The following SMARCC1 variants were observed in gnomAD, a reference collection of about 807,000 sequenced individuals.
SMARCC1 encodes SWI/SNF complex subunit SMARCC1.
A neutral mutation model predicts 147.4 loss-of-function variants in SMARCC1; 43 were observed. That is an observed-to-expected ratio of 0.29 (90% CI 0.23 to 0.38). The LOEUF (loss-of-function observed/expected upper bound fraction) is 0.38. Ranked by LOEUF, SMARCC1 falls within the 10% of genes least tolerant of loss-of-function variation. The pLI is 1.00. For synonymous variants in SMARCC1, 495 were observed against 484.4 expected, an observed-to-expected ratio of 1.02 and a Z score of -0.29; for missense variants, 1,119 against 1,381.1, an observed-to-expected ratio of 0.81 and a Z score of 3.01.
chr3:47,649,296 G>A (rs1221430237), intron 21 of SMARCC1, among the ~76,000 whole-genome samples: 2 of 152,264 alleles, frequency 1.3e-5, no homozygotes, highest in African/African-American at 2.4e-5. Context: ...ATGGTGAGAA[G>A]AGCAAGGCTA....
In SMARCC1 at chr3:47,661,383, G is replaced by C. The variant is rs764145318; in HGVS notation, c.2231C>G (p.Ala744Gly). The change falls in exon 21 of 28, where the codon GCA (alanine) becomes GGA (glycine). Residue 744 changes from alanine to glycine, a missense_variant. Physicochemically the swap from Ala to Gly is moderately conservative, Grantham distance 60 (BLOSUM62 0). Around this residue, in one of 6 missense-constraint regions of SMARCC1, gnomAD observed 157 missense variants for 158.6 expected, o/e 0.99. Transcript: ENST00000254480. The part of the protein sequence containing the change: ...VEAHVKKVQE[A>G]ARASGKVDPT... ...ATCCACTTTCCCAGAGGCTCGTGCT[G>C]CTTCTTGTACTTTCTTGACATGAGC... The C allele has an allele frequency of 3.7e-4, 599 of 1,613,630 alleles. No homozygotes were observed. The highest frequency in any genetic ancestry group is 4.6e-4 in the Non-Finnish European group (544 of 1,179,836).
At chr3:47,780,725 A>C (rs908671410) in intron 1 of SMARCC1, among the ~76,000 whole-genome samples, 2 of 152,300 alleles carry the variant, frequency 1.3e-5, no homozygotes, top group African/African-American at 4.8e-5. Flanking sequence ...ACAGAACTAA[A>C]GAGGGTGATA....
At chr3:47,698,005 CAAAAAAAAAAAA>C (rs71070213) in intron 11 of SMARCC1, among the ~76,000 whole-genome samples, 4 of 12,496 alleles carry the variant, frequency 3.2e-4, no homozygotes, top group South Asian at 7.5e-3. Context: ...GCCTCCGCCT[CAAAAAAAAAAAA>C]AAAAAAAAAA....
At chr3:47,657,740 G>A (rs1434382021) in intron 21 of SMARCC1, among the ~76,000 whole-genome samples, 2 of 152,006 alleles carry the variant, frequency 1.3e-5, no homozygotes, top group African/African-American at 4.8e-5. Flanking sequence ...TTGAACCTGG[G>A]AGGCAGAGGT....
chr3:47,604,133 T>C (rs984060292), intron 26 of SMARCC1: 3 of 456,746 alleles, frequency 6.6e-6, no homozygotes, highest in South Asian at 4.6e-5. Flanking sequence ...GCTACATTCA[T>C]ACCTAGAAGT....
rs992007074 is a variant in SMARCC1, at chr3:47,661,393, C to T, written c.2221G>A (p.Val741Ile). The T allele has an allele frequency of 6.2e-7, 1 of 1,613,854 alleles. No homozygotes were observed. The highest frequency in any genetic ancestry group is 8.5e-7 in the Non-Finnish European group (1 of 1,179,890). The change falls in exon 21 of 28, where the codon GTA (valine) becomes ATA (isoleucine). Residue 741 changes from valine (V) to isoleucine (I), a missense_variant. By Grantham distance (29) the Val-to-Ile change is conservative. Around this residue, in one of 6 missense-constraint regions of SMARCC1, gnomAD observed 157 missense variants for 158.6 expected, o/e 0.99. Transcript: ENST00000254480. ...CCAGAGGCTCGTGCTGCTTCTTGTA[C>T]TTTCTTGACATGAGCTTCAACCAAT... Reference protein sequence around the residue: ...LELVEAHVKKVQEAARASGKV... With the variant: ...LELVEAHVKKIQEAARASGKV...
rs1481951292 is a variant in SMARCC1, at chr3:47,585,435, T to C, written c.*2774A>G. On this transcript the variant is annotated 3_prime_UTR_variant, in exon 28 of 28. Coordinates refer to ENST00000254480, the MANE Select transcript of SMARCC1 (RefSeq NM_003074.4). The stretch of plus-strand genomic sequence containing the variant: ...ATGGCAGACACAGAATCCTCTTCTT[T>C]TGCTTCACTCGATTTATAAGCATCC... The C allele has an allele frequency of 6.6e-6, 1 of 152,204 alleles. No individual in the cohort carries two copies. Among genetic ancestry groups the C allele is most frequent in the Non-Finnish European group, 1.5e-5 (1 of 68,028 alleles). 9.4% of individuals were successfully genotyped at this position (152,204 alleles called of 1,614,324 possible).
chr3:47,639,292 A>G (rs1370331105), intron 21 of SMARCC1, among the ~76,000 whole-genome samples: 1 of 152,234 alleles, frequency 6.6e-6, no homozygotes, highest in Non-Finnish European at 1.5e-5. Flanking sequence ...CATTTTGGCT[A>G]GACAGGACAC....
chr3:47,755,480 G>C (rs927327758), intron 2 of SMARCC1, among the ~76,000 whole-genome samples: 1 of 140,678 alleles, frequency 7.1e-6, no homozygotes, highest in Admixed American at 7.5e-5. Flanking sequence ...CTGGGCAACA[G>C]AGCAAGACTC....
chr3:47,760,308 T>A (rs1167361937), intron 2 of SMARCC1, among the ~76,000 whole-genome samples: 1 of 152,014 alleles, frequency 6.6e-6, no homozygotes. Flanking sequence ...AAAGGCTGTC[T>A]CAAAAAAATT....
intron 2 of SMARCC1, among the ~76,000 whole-genome samples, chr3:47,759,972 C>T (rs909655430): frequency 2.6e-5 from 4 of 151,412 alleles, no homozygotes; most frequent in Non-Finnish European, 5.9e-5. Context: ...TGTATCAGCC[C>T]GTACACAGCA....
chr3:47,720,573 A>G, intron 7 of SMARCC1, 93 bp downstream of exon 7: 2 of 881,588 alleles, frequency 2.3e-6, no homozygotes, highest in Non-Finnish European at 1.8e-6. Context: ...ACAAAGCAAC[A>G]AATTGTCACT....
At chr3:47,649,975 A>T (rs896588188) in intron 21 of SMARCC1, among the ~76,000 whole-genome samples, 47 of 152,176 alleles carry the variant, frequency 3.1e-4, no homozygotes, top group Admixed American at 2.0e-4. Flanking sequence ...AATGTCTTCA[A>T]CCTACTTTGA....
intron 21 of SMARCC1, among the ~76,000 whole-genome samples, chr3:47,639,993 C>A (rs972592416): frequency 6.6e-6 from 1 of 151,812 alleles, no homozygotes; most frequent in African/African-American, 2.4e-5. Context: ...GAGTCCTCAA[C>A]AAATTTCAAA....
chr3:47,740,631 G>A lies in SMARCC1; in HGVS notation c.402-2521C>T, dbSNP rs1215289137. On this transcript the variant is annotated intron_variant, in intron 3 of 27. Coordinates refer to ENST00000254480, the MANE Select transcript of SMARCC1 (RefSeq NM_003074.4). Reference sequence around the variant, plus strand: ...TGGGATTATAGGCATGAGCCAGTGCGCCGGCCTTTCATGTTCTTAATACAT... The same window carrying A: ...TGGGATTATAGGCATGAGCCAGTGCACCGGCCTTTCATGTTCTTAATACAT... Among the ~76,000 whole-genome samples, 6 of 152,008 alleles carry A rather than the reference G, an allele frequency of 3.9e-5. No individual in the cohort carries two copies. In the East Asian group the frequency reaches 9.6e-4, roughly 24 times the overall value.
chr3:47,703,595 G>C (rs1057468675), intron 10 of SMARCC1, among the ~76,000 whole-genome samples: 1 of 152,156 alleles, frequency 6.6e-6, no homozygotes, highest in Non-Finnish European at 1.5e-5. Context: ...CTTGCTTTGG[G>C]AAGTACTGGG....
intron 19 of SMARCC1, among the ~76,000 whole-genome samples, chr3:47,668,406 G>A (rs187141894): frequency 2.5e-4 from 38 of 152,106 alleles, no homozygotes; most frequent in African/African-American, 6.0e-4. Flanking sequence ...CATTTCTACC[G>A]ATTAAAGATT....
At chr3:47,765,929 C>G (rs925390126) in intron 2 of SMARCC1, among the ~76,000 whole-genome samples, 1 of 151,968 alleles carries the variant, frequency 6.6e-6, no homozygotes, top group Non-Finnish European at 1.5e-5. Flanking sequence ...GACAGGGTTT[C>G]ACCATGTTGG....
chr3:47,615,743 G>A (rs2032632381), intron 25 of SMARCC1, among the ~76,000 whole-genome samples: 2 of 152,068 alleles, frequency 1.3e-5, no homozygotes, highest in South Asian at 4.1e-4. Flanking sequence ...GAGTGCAATG[G>A]CGCCATCACG....
Sources: allele counts gnomAD v4.1 joint callset (sites outside exome capture counted in the v4.1 genomes callset), GRCh38; gene constraint gnomAD v4.1.1; regional missense constraint gnomAD v4.1.1; transcripts MANE v1.5; gene names NCBI Gene and HGNC (gene_info 2026-07-23, HGNC 2026-07-21).